FMN1: variants seen among roughly 807,000 people sequenced by gnomAD.
The protein encoded by FMN1 is formin 1.
Under a neutral mutation model 132.4 loss-of-function variants are expected in FMN1, and 110 were observed. The observed-to-expected ratio is 0.83, with a 90% CI of 0.71 to 0.97. The LOEUF is 0.97. Among genes scored for constraint, FMN1 ranks in the 50% least tolerant of loss-of-function variants. The pLI, the probability that FMN1 is intolerant of heterozygous loss-of-function variation, is 0.00. For missense variants in FMN1, 1,792 were observed against 1,705.3 expected (o/e 1.05, Z -0.90); for synonymous variants, 722 against 651.7 (o/e 1.11, Z -1.64).
chr15:33,038,948 A>T (rs2036304293), intron 6 of FMN1, among the ~76,000 whole-genome samples: 1 of 152,174 alleles, frequency 6.6e-6, no homozygotes, highest in South Asian at 2.1e-4. Context: ...TCCTATATAC[A>T]AAATGTGTGG....
intron 19 of FMN1, among the ~76,000 whole-genome samples, chr15:32,798,355 C>T (rs536391777): frequency 1.2e-4 from 18 of 152,222 alleles, no homozygotes; most frequent in African/African-American, 4.1e-4. Flanking sequence ...AAATCCAATG[C>T]GGGGCTTCCA....
At chr15:32,815,831 T>C (rs975581981) in intron 17 of FMN1, among the ~76,000 whole-genome samples, 1 of 152,170 alleles carries the variant, frequency 6.6e-6, no homozygotes, top group Non-Finnish European at 1.5e-5. Flanking sequence ...GGTGCTATGA[T>C]ACTAAATTCT....
chr15:33,154,216 TCTC>T lies in FMN1; in HGVS notation c.696_698del (p.Arg233del). The T allele has an allele frequency of 6.5e-7, 1 of 1,536,184 alleles. No individual in the cohort carries two copies. Among genetic ancestry groups the T allele is most frequent in the South Asian group, 1.2e-5 (1 of 84,048 alleles). On this transcript the variant is annotated inframe_deletion, in exon 4 of 21. Transcript: ENST00000616417. ...TGGGAATATCTGGGGGGCAGCTCTC[TCTC>T]CTCTGCAGGGAGCAGGCAAGTGCCC...
intron 6 of FMN1, among the ~76,000 whole-genome samples, chr15:33,017,071 G>T (rs1195599030): frequency 6.6e-6 from 1 of 151,966 alleles, no homozygotes; most frequent in African/African-American, 2.4e-5. Context: ...TCAAATTTGG[G>T]GTGGCTGGGG....
At chr15:32,813,629 T>C (rs2057961292) in intron 17 of FMN1, among the ~76,000 whole-genome samples, 1 of 152,224 alleles carries the variant, frequency 6.6e-6, no homozygotes, top group South Asian at 2.1e-4. Context: ...AGTCCCTCAA[T>C]GCTGCACAAC....
At chr15:32,959,450 T>G (rs887780702) in intron 9 of FMN1, among the ~76,000 whole-genome samples, 1 of 152,182 alleles carries the variant, frequency 6.6e-6, no homozygotes, top group Non-Finnish European at 1.5e-5. Context: ...GCTATTTTCT[T>G]TAAAACTTAA....
At chr15:33,129,993 C>T (rs1178686702) in intron 4 of FMN1, among the ~76,000 whole-genome samples, 1 of 152,046 alleles carries the variant, frequency 6.6e-6, no homozygotes, top group Non-Finnish European at 1.5e-5. Flanking sequence ...CGGGGTTTCA[C>T]CATGTTGGCC....
In FMN1 at chr15:32,876,428, T is replaced by C. The variant is rs534173037; in HGVS notation, c.3835+11744A>G. On this transcript the variant is annotated intron_variant, in intron 16 of 20. Transcript: ENST00000616417. ...TCCTGGAACAGAAAGGGGACAAAAA[T>C]GGAAAAACCAGTGAAATCCATATAA... Among the ~76,000 whole-genome samples, 8 of 152,222 alleles carry C rather than the reference T, an allele frequency of 5.3e-5. No homozygotes were observed. In the South Asian group the frequency reaches 1.0e-3, roughly 20 times the overall value.
intron 4 of FMN1, among the ~76,000 whole-genome samples, chr15:33,103,352 T>C (rs1165244820): frequency 6.6e-6 from 1 of 152,090 alleles, no homozygotes; most frequent in Non-Finnish European, 1.5e-5. Context: ...GGGGAAATAA[T>C]GGTTCTCACC....
At chr15:32,910,225 G>A (rs375445427) in intron 11 of FMN1, among the ~76,000 whole-genome samples, 142 of 152,312 alleles carry the variant, frequency 9.3e-4, no homozygotes, top group Middle Eastern at 3.4e-3. Flanking sequence ...TCCAGGGCAC[G>A]TAAATGGTGT....
At chr15:32,909,796 C>A (rs2060512093) in intron 11 of FMN1, among the ~76,000 whole-genome samples, 1 of 152,104 alleles carries the variant, frequency 6.6e-6, no homozygotes, top group South Asian at 2.1e-4. Context: ...CACTTAAAAC[C>A]CAAATCAAAA....
chr15:33,128,825 G>A (rs569244786), intron 4 of FMN1, among the ~76,000 whole-genome samples: 5 of 152,206 alleles, frequency 3.3e-5, no homozygotes, highest in South Asian at 2.1e-4. Flanking sequence ...AAATAACAAA[G>A]CCTCCGCAAT....
At chr15:32,833,959 C>A (rs1297767438) in intron 17 of FMN1, among the ~76,000 whole-genome samples, 2 of 152,196 alleles carry the variant, frequency 1.3e-5, no homozygotes, top group African/African-American at 4.8e-5. Flanking sequence ...TCTCACACTG[C>A]AGCAGGATTT....
At chr15:32,981,024 GA>G (rs1229492861) in intron 7 of FMN1, among the ~76,000 whole-genome samples, 2 of 151,756 alleles carry the variant, frequency 1.3e-5, no homozygotes, top group African/African-American at 2.4e-5. Context: ...AAAAAAGAAT[GA>G]AATACATTTC....
chr15:33,023,264 T>TA (rs5811722), intron 6 of FMN1, among the ~76,000 whole-genome samples: 34 of 148,688 alleles, frequency 2.3e-4, no homozygotes, highest in East Asian at 1.8e-3. Flanking sequence ...GGGGGAAACT[T>TA]AAAAAAAAAA....
chr15:32,840,066 G>C (rs1302786244), intron 17 of FMN1, among the ~76,000 whole-genome samples: 2 of 152,196 alleles, frequency 1.3e-5, no homozygotes, highest in Non-Finnish European at 2.9e-5. Context: ...CCCGGGAGGA[G>C]AGCTGCAGCC....
chr15:33,185,697 C>T (rs1965860668), intron 2 of FMN1, among the ~76,000 whole-genome samples: 2 of 151,400 alleles, frequency 1.3e-5, no homozygotes, highest in South Asian at 4.2e-4. Flanking sequence ...CTCAGCCTCC[C>T]AGTTAGCTGG....
At chr15:33,061,558 T>C (rs1327811994) in intron 6 of FMN1, among the ~76,000 whole-genome samples, 2 of 152,114 alleles carry the variant, frequency 1.3e-5, no homozygotes, top group Non-Finnish European at 2.9e-5. Flanking sequence ...CTACCTCACA[T>C]TGATTTATAA....
At chr15:32,921,275 G>C (rs1440257339) in intron 10 of FMN1, among the ~76,000 whole-genome samples, 2 of 152,162 alleles carry the variant, frequency 1.3e-5, no homozygotes, top group South Asian at 2.1e-4. Flanking sequence ...GGAGCGTGCA[G>C]AACTGTTCAT....
Sources: gnomAD v4.1 joint callset for allele counts (sites outside exome capture counted in the v4.1 genomes callset) on GRCh38, gnomAD v4.1.1 for gene constraint, MANE v1.5 for transcripts, NCBI Gene and HGNC (gene_info 2026-07-23, HGNC 2026-07-21) for gene names.